Variants in RAPGEF1 observed in about 807,000 individuals in gnomAD.
The protein encoded by RAPGEF1 is CRK SH3-binding GNRP.
RAPGEF1 carries 33 observed loss-of-function variants against 143.3 expected under a neutral mutation model. That is an observed-to-expected ratio of 0.23 (90% confidence interval 0.17 to 0.31). The LOEUF is 0.31. RAPGEF1 is among the 10% of genes least tolerant of loss of function. RAPGEF1 has a pLI of 1.00. For synonymous variants in RAPGEF1, 629 were observed against 676.5 expected, an observed-to-expected ratio of 0.93 and a Z score of 1.09; for missense variants, 1,199 against 1,645.4, an observed-to-expected ratio of 0.73 and a Z score of 4.69.
chr9:131,739,623 A>T, intron 1 of RAPGEF1, 147 bp downstream of exon 1: 1 of 483,838 alleles, frequency 2.1e-6, no homozygotes, highest in Non-Finnish European at 2.7e-6. Context: ...AGAAGCTGCC[A>T]GGCGCCCCGG....
At chr9:131,634,058 T>C (rs774765650) in intron 5 of RAPGEF1, among the ~76,000 whole-genome samples, 2 of 152,126 alleles carry the variant, frequency 1.3e-5, no homozygotes, top group Non-Finnish European at 2.9e-5. Flanking sequence ...GCCCAGGAGT[T>C]CAAAACCAGC....
At chr9:131,625,850 T>A in intron 10 of RAPGEF1, 72 bp downstream of exon 10, 1 of 1,488,516 alleles carries the variant, frequency 6.7e-7, no homozygotes, top group Non-Finnish European at 9.0e-7. Context: ...TCTGGTCTAA[T>A]GCTGAAATAA....
At chr9:131,580,526 G>A in intron 25 of RAPGEF1, 135 bp from the exon 26 acceptor site, 2 of 1,106,634 alleles carry the variant, frequency 1.8e-6, no homozygotes, top group Non-Finnish European at 2.5e-6. Flanking sequence ...CCAGTCTGAG[G>A]TGTCTGTTTC....
intron 1 of RAPGEF1, among the ~76,000 whole-genome samples, chr9:131,694,115 C>T (rs1053231694): frequency 1.3e-5 from 2 of 152,114 alleles, no homozygotes; most frequent in African/African-American, 2.4e-5. Flanking sequence ...AGTATCCTCT[C>T]CCTCCCCAAG....
At chr9:131,661,561 G>A (rs1974116824) in intron 1 of RAPGEF1, among the ~76,000 whole-genome samples, 1 of 152,106 alleles carries the variant, frequency 6.6e-6, no homozygotes. Flanking sequence ...TCTACATAAG[G>A]TATGTGTATA....
At position 131,588,992 on chromosome 9, in the gene RAPGEF1, G is replaced by A. The variant is rs1268619943; in HGVS notation, c.2868-6C>T. ...CTTCTGTCAACTCCACCAGGCTGAA[G>A]GACAAAAGAGCACAAGGTGAGGAGC... is the stretch of plus-strand genomic sequence containing the variant. On this transcript the variant is annotated splice_region_variant and splice_polypyrimidine_tract_variant and intron_variant, in intron 19 of 26. Coordinates refer to ENST00000683357, the MANE Select transcript of RAPGEF1 (RefSeq NM_001377935.1). The A allele has an allele frequency of 4.3e-6, 7 of 1,611,736 alleles. No individual in the cohort carries two copies. The South Asian group carries it at 7.7e-5, about 18-fold the overall frequency.
At chr9:131,731,925 A>C (rs1269107618) in intron 1 of RAPGEF1, among the ~76,000 whole-genome samples, 1 of 152,202 alleles carries the variant, frequency 6.6e-6, no homozygotes, top group Non-Finnish European at 1.5e-5. Context: ...GCAGGGTGGG[A>C]CTTGGGTTCA....
intron 12 of RAPGEF1, among the ~76,000 whole-genome samples, chr9:131,615,621 C>T (rs190226713): frequency 7.2e-5 from 11 of 152,240 alleles, no homozygotes; most frequent in South Asian, 4.1e-4. Context: ...TCTGGGGAGA[C>T]GGGAGGGCTG....
intron 1 of RAPGEF1, among the ~76,000 whole-genome samples, chr9:131,732,041 C>T (rs145765351): frequency 1.7e-4 from 26 of 152,256 alleles, no homozygotes; most frequent in African/African-American, 6.3e-4. Flanking sequence ...ATGAACCTCC[C>T]CCCCTGTACC....
At chr9:131,695,419 C>T (rs565555033) in intron 1 of RAPGEF1, among the ~76,000 whole-genome samples, 2 of 152,278 alleles carry the variant, frequency 1.3e-5, no homozygotes, top group South Asian at 4.1e-4. Flanking sequence ...TGTAGAAGGG[C>T]CTCTTGGCAC....
At chr9:131,697,847 G>C (rs927828861) in intron 1 of RAPGEF1, among the ~76,000 whole-genome samples, 12 of 152,198 alleles carry the variant, frequency 7.9e-5, no homozygotes, top group African/African-American at 2.9e-4. Context: ...GTTCTGGAGG[G>C]AAGAGGACCT....
chr9:131,605,177 C>T lies in RAPGEF1; in HGVS notation c.2073G>A (p.Val691=). ...CGAAATCCTGGGAGTAGGACCTAAA[C>T]ACAGACTTATACTACAGAATCCAGG... ...GSLPVPSYKS[V]FRSYSQDFVP... is the part of the protein sequence containing the mutation. The change falls in exon 13 of 27, where the codon GTG becomes GTA. Residue 691 remains valine (V), a synonymous_variant. Coordinates refer to ENST00000683357, the MANE Select transcript of RAPGEF1 (RefSeq NM_001377935.1). The T allele has an allele frequency of 4.4e-6, 6 of 1,352,172 alleles. No homozygotes were observed. Among genetic ancestry groups the T allele is most frequent in the Non-Finnish European group, 5.9e-6 (6 of 1,013,514 alleles). 83.8% of individuals were successfully genotyped at this position (1,352,172 alleles called of 1,614,324 possible).
intron 1 of RAPGEF1, among the ~76,000 whole-genome samples, chr9:131,687,939 G>A (rs1031154688): frequency 6.6e-6 from 1 of 152,146 alleles, no homozygotes; most frequent in African/African-American, 2.4e-5. Context: ...TGTTACCCAC[G>A]TGAAGATACA....
rs577826556 is a variant in RAPGEF1, at chr9:131,662,517, G to A, written c.62-11568C>T. On this transcript the variant is annotated intron_variant, in intron 1 of 26. Coordinates refer to ENST00000683357, the MANE Select transcript of RAPGEF1 (RefSeq NM_001377935.1). ...TGAGGAGCTGGGACTACAGGCATGC[G>A]CCACTATGCCTGGCTAATTTTTTGT... 1.1e-3 allele frequency among the ~76,000 whole-genome samples: 160 copies of A among 151,898 alleles called. 1 individual carries two copies. Among genetic ancestry groups the A allele is most frequent in the African/African-American group, 3.7e-3 (155 of 41,418 alleles).
At chr9:131,633,343 G>A (rs912857720) in intron 5 of RAPGEF1, among the ~76,000 whole-genome samples, 2 of 152,128 alleles carry the variant, frequency 1.3e-5, no homozygotes, top group African/African-American at 2.4e-5. Flanking sequence ...AAAGCACAAC[G>A]CCAGGCCCCA....
At chr9:131,633,809 A>T (rs1965596777) in intron 5 of RAPGEF1, among the ~76,000 whole-genome samples, 1 of 152,230 alleles carries the variant, frequency 6.6e-6, no homozygotes, top group African/African-American at 2.4e-5. Flanking sequence ...CAGAGGAGAA[A>T]CCTTAAAATG....
intron 14 of RAPGEF1, among the ~76,000 whole-genome samples, 158 bp downstream of exon 14, chr9:131,603,803 C>T (rs1956664525): frequency 6.6e-6 from 1 of 152,306 alleles, no homozygotes; most frequent in African/African-American, 2.4e-5. Flanking sequence ...TCCAAAGGGC[C>T]GAGCTGGCTC....
intron 1 of RAPGEF1, among the ~76,000 whole-genome samples, chr9:131,708,261 T>A (rs556193790): frequency 6.6e-6 from 1 of 152,242 alleles, no homozygotes; most frequent in Non-Finnish European, 1.5e-5. Context: ...TTGCTACTGA[T>A]CAAATGCTAC....
rs1952148894 is a variant in RAPGEF1 at position 131,583,189 on chromosome 9, G to A, written c.3415-487C>T. ...AGGGCTGGGTGGCTTCTCTCCTGCA[G>A]GGGTGGGGGGCTCCCACCTAGGAGA... On this transcript the variant is annotated intron_variant, in intron 24 of 26. Transcript: ENST00000683357. The surrounding 1 kb of genome is among the most constrained non-coding windows in gnomAD (Gnocchi z 4.7). Among the ~76,000 whole-genome samples, 1 of 152,114 alleles carries A rather than the reference G, an allele frequency of 6.6e-6. No homozygotes were observed. The highest frequency in any genetic ancestry group is 6.5e-5 in the Admixed American group (1 of 15,278).
Sources: gnomAD v4.1 joint callset for allele counts (sites outside exome capture counted in the v4.1 genomes callset) on GRCh38, gnomAD v4.1.1 for gene constraint, Gnocchi (gnomAD v3.1) non-coding constraint, MANE v1.5 for transcripts, NCBI Gene and HGNC (gene_info 2026-07-23, HGNC 2026-07-21) for gene names.